KDM6A: variants seen among roughly 807,000 people sequenced by gnomAD.
The protein encoded by KDM6A is lysine-specific demethylase 6A.
Under a neutral mutation model 117.6 loss-of-function variants are expected in KDM6A, and 11 were observed. That is an observed-to-expected ratio of 0.09 (90% CI 0.06 to 0.15). The LOEUF (loss-of-function observed/expected upper bound fraction) is 0.15, where lower values mean the gene tolerates loss of function less well. Ranked by LOEUF, KDM6A falls within the 10% of genes least tolerant of loss-of-function variation. KDM6A has a pLI of 1.00. For missense variants in KDM6A, 799 were observed against 1,077.3 expected, an observed-to-expected ratio of 0.74 and a Z score of 3.62; for synonymous variants, 384 against 396.1, an observed-to-expected ratio of 0.97 and a Z score of 0.36.
intron 2 of KDM6A, among the ~76,000 whole-genome samples, chrX:44,886,212 C>G (rs1678940329): frequency 1.8e-5 from 2 of 108,684 alleles, no homozygotes; most frequent in Admixed American, 2.0e-4. Flanking sequence ...AATGCGCCAC[C>G]CTGCCCGGCT....
intron 2 of KDM6A, among the ~76,000 whole-genome samples, chrX:44,958,339 C>T (rs976454508): frequency 1.5e-4 from 16 of 109,012 alleles, no homozygotes; most frequent in African/African-American, 5.4e-4. Flanking sequence ...CCCACCACTA[C>T]GCTTGGCTCA....
At chrX:44,925,116 T>C (rs990527115) in intron 2 of KDM6A, among the ~76,000 whole-genome samples, 3 of 112,040 alleles carry the variant, frequency 2.7e-5, no homozygotes. Context: ...GTAATTTCTT[T>C]ACCTCCATGT....
chrX:44,947,936 C>T (rs1422663003), intron 2 of KDM6A, among the ~76,000 whole-genome samples: 1 of 111,237 alleles, frequency 9.0e-6, no homozygotes, highest in African/African-American at 3.3e-5. Flanking sequence ...TTCAGAATGT[C>T]ATACAAAAAG....
At chrX:44,946,851 C>G (rs936017345) in intron 2 of KDM6A, among the ~76,000 whole-genome samples, 2 of 111,336 alleles carry the variant, frequency 1.8e-5, no homozygotes, top group Non-Finnish European at 3.8e-5. Context: ...TGTTTCTGAG[C>G]TCTTTATTGC....
At chrX:45,040,844 G>A (rs1457225113) in intron 8 of KDM6A, among the ~76,000 whole-genome samples, 15 of 76,461 alleles carry the variant, frequency 2.0e-4, no homozygotes, top group Admixed American at 2.6e-4. Context: ...CCTCCCTCCC[G>A]GACTGGGCGG....
chrX:45,086,180 A>C (rs989898837), intron 25 of KDM6A: 2 of 389,885 alleles, frequency 5.1e-6, no homozygotes, highest in African/African-American at 2.5e-5. Context: ...CCATGAAACA[A>C]CTTCATGCAG....
chrX:45,048,840 G>A (rs1159180032), intron 8 of KDM6A, among the ~76,000 whole-genome samples: 1 of 106,340 alleles, frequency 9.4e-6, no homozygotes, highest in African/African-American at 3.8e-5. Context: ...TCCAAATATT[G>A]TCAGAGGCAA....
intron 2 of KDM6A, among the ~76,000 whole-genome samples, chrX:44,896,853 A>G: frequency 9.1e-6 from 1 of 109,711 alleles, no homozygotes; most frequent in East Asian, 2.8e-4. Flanking sequence ...TGTCATTTGA[A>G]TTGGTGTTCC....
chrX:45,085,026 G>A (rs1291842427), intron 24 of KDM6A, among the ~76,000 whole-genome samples: 1 of 111,760 alleles, frequency 8.9e-6, no homozygotes. Context: ...GGTTATAATT[G>A]TTATCCTCAG....
At chrX:44,893,194 CAAAA>C (rs947311340) in intron 2 of KDM6A, among the ~76,000 whole-genome samples, 1 of 109,095 alleles carries the variant, frequency 9.2e-6, no homozygotes, top group Non-Finnish European at 1.9e-5. Context: ...AAAACAAAAA[CAAAA>C]AAAACCTTGC....
intron 2 of KDM6A, among the ~76,000 whole-genome samples, chrX:44,936,780 T>C (rs1025234887): frequency 8.9e-6 from 1 of 112,276 alleles, no homozygotes; most frequent in African/African-American, 3.2e-5. Flanking sequence ...ATAATTTTGT[T>C]AAACGAAATT....
intron 2 of KDM6A, among the ~76,000 whole-genome samples, chrX:44,960,406 TAAAG>T (rs1272008503): frequency 1.8e-5 from 2 of 111,841 alleles, no homozygotes; most frequent in Admixed American, 9.5e-5. Flanking sequence ...CCCGTGAAGA[TAAAG>T]AAACAATTAA....
intron 27 of KDM6A, among the ~76,000 whole-genome samples, chrX:45,093,635 TTA>T (rs1257154727): frequency 1.8e-5 from 2 of 110,276 alleles, no homozygotes; most frequent in East Asian, 2.9e-4. Context: ...CAAGGAAAAC[TTA>T]TAGTCTTTTC....
chrX:45,095,560 G>T (rs73204283), intron 27 of KDM6A, among the ~76,000 whole-genome samples: 96 of 111,983 alleles, frequency 8.6e-4, no homozygotes, highest in Non-Finnish European at 1.6e-3. Flanking sequence ...CCGTATAATT[G>T]TTATATCCAT....
intron 4 of KDM6A, among the ~76,000 whole-genome samples, chrX:44,982,280 G>A (rs1288589427): frequency 9.0e-6 from 1 of 111,040 alleles, no homozygotes; most frequent in Non-Finnish European, 1.9e-5. Flanking sequence ...TTTGTACATT[G>A]ATTGATTAAA....
chrX:45,033,947 A>G (rs779500618), intron 6 of KDM6A, among the ~76,000 whole-genome samples: 3 of 111,377 alleles, frequency 2.7e-5, no homozygotes, highest in Non-Finnish European at 3.8e-5. Flanking sequence ...TGGGTAGCCA[A>G]CATCAATAAC....
In KDM6A at chrX:45,089,753, A is replaced by G; in HGVS notation, c.3715A>G (p.Asn1239Asp). ...TTTTTCTTATTTCAGAAATAATTTG[A>G]ATTTCCTAATGGGTTCTTGGTGGCC... ...LNDFCEKNNLNFLMGSWWPNL... is the reference protein window; with the variant it reads ...LNDFCEKNNLDFLMGSWWPNL... The change falls in exon 26 of 30, where the codon AAT becomes GAT. Residue 1239 changes from asparagine (N) to aspartate (D), a missense_variant. By Grantham distance (23) the Asn-to-Asp change is conservative (BLOSUM62 1). Around this residue, in one of 8 missense-constraint regions of KDM6A, gnomAD observed 291 missense variants for 437.9 expected, o/e 0.66. Coordinates refer to ENST00000611820, the MANE Select transcript of KDM6A (RefSeq NM_001291415.2). 8.3e-7 allele frequency: 1 copy of G among 1,199,029 alleles called. No individual in the cohort carries two copies. The highest frequency in any genetic ancestry group is 1.1e-6 in the Non-Finnish European group (1 of 884,572).
At chrX:45,073,276 T>C (rs1158199024) in intron 18 of KDM6A, among the ~76,000 whole-genome samples, 1 of 112,037 alleles carries the variant, frequency 8.9e-6, no homozygotes, top group African/African-American at 3.2e-5. Flanking sequence ...CTATCATTGA[T>C]GGACATTTGG....
intron 9 of KDM6A, among the ~76,000 whole-genome samples, chrX:45,052,835 G>A (rs1024415409): frequency 2.7e-5 from 3 of 111,042 alleles, no homozygotes; most frequent in African/African-American, 9.9e-5. Context: ...GGCTGCAGGC[G>A]CATGCCACCA....
Sources: gnomAD v4.1 joint callset for allele counts (sites outside exome capture counted in the v4.1 genomes callset) on GRCh38, gnomAD v4.1.1 for gene constraint, gnomAD v4.1.1 regional missense constraint, MANE v1.5 for transcripts, NCBI Gene and HGNC (gene_info 2026-07-23, HGNC 2026-07-21) for gene names.